The following DPYD variants were observed in gnomAD, a reference collection of about 807,000 sequenced individuals.
DPYD encodes dihydropyrimidine dehydrogenase.
In DPYD, 109 loss-of-function variants were observed where a neutral mutation model predicts 116.2. That is an observed-to-expected ratio of 0.94 (90% CI 0.80 to 1.10). The LOEUF (loss-of-function observed/expected upper bound fraction) is 1.10, where lower values mean the gene tolerates loss of function less well. Ranked by LOEUF, DPYD falls within the 50% of genes least tolerant of loss-of-function variation. The pLI is 0.00. For synonymous variants in DPYD, 440 were observed against 432.0 expected, an observed-to-expected ratio of 1.02 and a Z score of -0.23; for missense variants, 1,302 against 1,254.5, an observed-to-expected ratio of 1.04 and a Z score of -0.57.
At chr1:97,371,029 AT>A (rs988578475) in intron 16 of DPYD, among the ~76,000 whole-genome samples, 3 of 152,102 alleles carry the variant, frequency 2.0e-5, no homozygotes, top group Non-Finnish European at 4.4e-5. Context: ...AAATTTCATG[AT>A]TTTTAATCAC....
intron 16 of DPYD, among the ~76,000 whole-genome samples, chr1:97,346,807 C>T (rs1669872720): frequency 6.6e-6 from 1 of 151,818 alleles, no homozygotes; most frequent in Non-Finnish European, 1.5e-5. Flanking sequence ...CTCAATTTAT[C>T]CAACTGTGTG....
At chr1:97,362,668 T>A (rs181538082) in intron 16 of DPYD, among the ~76,000 whole-genome samples, 1 of 152,240 alleles carries the variant, frequency 6.6e-6, no homozygotes, top group Non-Finnish European at 1.5e-5. Flanking sequence ...AACCATCTGA[T>A]CTTTGACAAA....
chr1:97,736,072 C>G (rs1421107964), intron 4 of DPYD, among the ~76,000 whole-genome samples: 1 of 151,822 alleles, frequency 6.6e-6, no homozygotes, highest in East Asian at 1.9e-4. Context: ...AATCCAGTTT[C>G]AATAATTGCA....
chr1:97,649,699 T>C (rs1658471995), intron 8 of DPYD, among the ~76,000 whole-genome samples: 2 of 152,134 alleles, frequency 1.3e-5, no homozygotes, highest in Admixed American at 1.3e-4. Flanking sequence ...ACTTAAATGA[T>C]AATTAAGACT....
At chr1:97,705,403 G>A (rs1019124097) in intron 5 of DPYD, among the ~76,000 whole-genome samples, 8 of 151,972 alleles carry the variant, frequency 5.3e-5, no homozygotes, top group South Asian at 2.1e-4. Flanking sequence ...TTGTCCTTGC[G>A]ATAGTTTGCT....
intron 8 of DPYD, among the ~76,000 whole-genome samples, chr1:97,597,306 ATC>A (rs1396823124): frequency 1.5e-4 from 23 of 152,158 alleles, no homozygotes; most frequent in African/African-American, 5.3e-4. Context: ...GTGACAGGTC[ATC>A]CCTTCTGGCC....
intron 14 of DPYD, among the ~76,000 whole-genome samples, chr1:97,396,234 G>GAA (rs145827352): frequency 2.5e-4 from 37 of 147,614 alleles, no homozygotes; most frequent in Admixed American, 1.9e-3. Context: ...TTACAGACAG[G>GAA]AAAAAAAAAA....
chr1:97,340,925 A>C (rs1669557374), intron 16 of DPYD, among the ~76,000 whole-genome samples: 1 of 152,162 alleles, frequency 6.6e-6, no homozygotes, highest in African/African-American at 2.4e-5. Context: ...TTTCCCCCAA[A>C]ATAGCTGTTT....
At chr1:97,487,643 A>G (rs1678724309) in intron 13 of DPYD, among the ~76,000 whole-genome samples, 1 of 152,214 alleles carries the variant, frequency 6.6e-6, no homozygotes, top group Non-Finnish European at 1.5e-5. Context: ...ACTGCACTCC[A>G]GCCTGGGCGA....
rs370707404 is a variant in DPYD, at chr1:97,549,693, A to G, written c.1391T>C (p.Val464Ala). The G allele has an allele frequency of 3.1e-6, 5 of 1,613,724 alleles. No homozygotes were observed. The highest frequency in any genetic ancestry group is 1.3e-5 in the African/African-American group (1 of 74,900). Reference protein sequence around the residue: ...IKFNRWGLPEVDPETMQTSEA... With the variant: ...IKFNRWGLPEADPETMQTSEA... ...ACTAGTTTGCATAGTTTCTGGATCT[A>G]CTTCTGGGAGACCCCATCTGTTAAA... Residue 464 changes from valine (V) to alanine (A), a missense_variant, in exon 12 of 23, where the codon GTA (valine) becomes GCA (alanine). Coordinates refer to ENST00000370192, the MANE Select transcript of DPYD (RefSeq NM_000110.4).
intron 14 of DPYD, among the ~76,000 whole-genome samples, chr1:97,449,628 T>G (rs913397627): frequency 6.6e-6 from 1 of 152,210 alleles, no homozygotes; most frequent in African/African-American, 2.4e-5. Context: ...TTAAAATTAT[T>G]TAATAAATTA....
chr1:97,313,487 A>C (rs1667633968), intron 16 of DPYD, among the ~76,000 whole-genome samples: 2 of 131,778 alleles, frequency 1.5e-5, no homozygotes, highest in African/African-American at 5.5e-5. Flanking sequence ...TGGAATGTGT[A>C]CATGTGTGCC....
chr1:97,666,438 C>A (rs1659561736), intron 8 of DPYD, among the ~76,000 whole-genome samples: 1 of 152,112 alleles, frequency 6.6e-6, no homozygotes, highest in Admixed American at 6.6e-5. Context: ...GGATTACAGG[C>A]ATGAACTACC....
At chr1:97,679,003 C>G (rs909268951) in intron 8 of DPYD, 92 bp downstream of exon 8, 1 of 568,860 alleles carries the variant, frequency 1.8e-6, no homozygotes, top group African/African-American at 1.9e-5. Flanking sequence ...ACTTTCATCA[C>G]GAAAATGTCT....
chr1:97,404,182 A>T (rs60495923), intron 14 of DPYD, among the ~76,000 whole-genome samples: 28,979 of 151,770 alleles, frequency 0.19, 2,877 homozygotes, highest in South Asian at 0.36. Flanking sequence ...TCCTTTTAAA[A>T]TTTAAGGTAT....
chr1:97,282,077 C>T (rs1280446288), intron 18 of DPYD, among the ~76,000 whole-genome samples: 1 of 151,872 alleles, frequency 6.6e-6, no homozygotes, highest in Admixed American at 6.6e-5. Context: ...ATTGACTTAC[C>T]ACTTGATATT....
chr1:97,710,609 T>A (rs1662228137), intron 5 of DPYD, among the ~76,000 whole-genome samples: 1 of 151,820 alleles, frequency 6.6e-6, no homozygotes, highest in Non-Finnish European at 1.5e-5. Context: ...GAGAAACAAC[T>A]GGCAGGTTAA....
intron 19 of DPYD, among the ~76,000 whole-genome samples, chr1:97,214,924 C>G (rs1228833984): frequency 6.6e-6 from 1 of 152,196 alleles, no homozygotes; most frequent in Admixed American, 6.5e-5. Context: ...ACACTTGACC[C>G]TTTCCTTGGG....
At chr1:97,763,114 G>T (rs1408561127) in intron 3 of DPYD, among the ~76,000 whole-genome samples, 1 of 152,020 alleles carries the variant, frequency 6.6e-6, no homozygotes, top group Non-Finnish European at 1.5e-5. Context: ...AGAAAGAAAA[G>T]ACCAACACCT....
Sources: gnomAD v4.1 joint callset for allele counts (sites outside exome capture counted in the v4.1 genomes callset) on GRCh38, gnomAD v4.1.1 for gene constraint, MANE v1.5 for transcripts, NCBI Gene and HGNC (gene_info 2026-07-23, HGNC 2026-07-21) for gene names.